Variants in FAM13C observed in about 807,000 individuals in gnomAD.
FAM13C encodes family with sequence similarity 13 member C.
In FAM13C, 37 loss-of-function variants were observed where a neutral mutation model predicts 73.2. That is an observed-to-expected ratio of 0.51 (90% CI 0.39 to 0.67). The LOEUF (loss-of-function observed/expected upper bound fraction) is 0.67. Among genes scored for constraint, FAM13C ranks in the 30% least tolerant of loss-of-function variants. The pLI, the probability that FAM13C is intolerant of heterozygous loss-of-function variation, is 0.00. For missense variants in FAM13C, 589 were observed against 715.6 expected, an observed-to-expected ratio of 0.82 and a Z score of 2.02; for synonymous variants, 246 against 260.9, an observed-to-expected ratio of 0.94 and a Z score of 0.55.
At chr10:59,328,765 C>T (rs1257996805) in intron 3 of FAM13C, among the ~76,000 whole-genome samples, 1 of 152,192 alleles carries the variant, frequency 6.6e-6, no homozygotes, top group African/African-American at 2.4e-5. Flanking sequence ...GGTTCTGTAG[C>T]TTAATCACTC....
At chr10:59,331,342 G>A (rs865851529) in intron 3 of FAM13C, among the ~76,000 whole-genome samples, 48 of 152,288 alleles carry the variant, frequency 3.2e-4, no homozygotes, top group African/African-American at 1.0e-3. Context: ...AGCATGAGGC[G>A]GAGGCAGAAT....
At chr10:59,306,537 C>T (rs1201820382) in intron 4 of FAM13C, among the ~76,000 whole-genome samples, 1 of 152,036 alleles carries the variant, frequency 6.6e-6, no homozygotes, top group Non-Finnish European at 1.5e-5. Context: ...AGTCTTGAAG[C>T]CACTTCAGCA....
intron 2 of FAM13C, among the ~76,000 whole-genome samples, chr10:59,354,031 T>C (rs954727837): frequency 1.3e-5 from 2 of 152,146 alleles, no homozygotes; most frequent in Non-Finnish European, 2.9e-5. Context: ...ATCCACTCCA[T>C]GATCCTGCAT....
Position 59,264,174 on chromosome 10 carries a change from G to C in FAM13C, c.943-8C>G. ...CTTGTCACCATGTGAAGGCTACCAA[G>C]GGAAGGAAAAAATGGGGGTGGAAGG... On this transcript the variant is annotated splice_polypyrimidine_tract_variant and splice_region_variant and intron_variant, in intron 8 of 13. Transcript: ENST00000618804. The C allele has an allele frequency of 6.2e-7, 1 of 1,608,920 alleles. No homozygotes were observed. Among genetic ancestry groups the C allele is most frequent in the Non-Finnish European group, 8.5e-7 (1 of 1,176,716 alleles).
chr10:59,344,393 C>T (rs1023283332), intron 3 of FAM13C, among the ~76,000 whole-genome samples: 2 of 151,456 alleles, frequency 1.3e-5, no homozygotes, highest in African/African-American at 2.4e-5. Context: ...ATTCTCCTGC[C>T]TCGGCCTCCC....
intron 3 of FAM13C, among the ~76,000 whole-genome samples, chr10:59,325,634 T>C (rs1851002435): frequency 6.6e-6 from 1 of 152,160 alleles, no homozygotes; most frequent in Admixed American, 6.6e-5. Context: ...TGTATGACCT[T>C]GGCCAAATTA....
chr10:59,277,564 G>A (rs1844456939), intron 6 of FAM13C, among the ~76,000 whole-genome samples: 1 of 152,154 alleles, frequency 6.6e-6, no homozygotes, highest in Non-Finnish European at 1.5e-5. Context: ...TACATCAAAA[G>A]AGGCACAGGG....
chr10:59,322,645 C>T (rs762009582), intron 4 of FAM13C, among the ~76,000 whole-genome samples: 1 of 152,234 alleles, frequency 6.6e-6, no homozygotes, highest in Non-Finnish European at 1.5e-5. Context: ...ACATTCCATA[C>T]ACAAGCATGA....
At chr10:59,336,372 T>C (rs1182562537) in intron 3 of FAM13C, among the ~76,000 whole-genome samples, 1 of 152,180 alleles carries the variant, frequency 6.6e-6, no homozygotes, top group African/African-American at 2.4e-5. Context: ...AATCTTAGGA[T>C]GGATGAAAAG....
At chr10:59,312,361 C>T (rs958371353) in intron 4 of FAM13C, among the ~76,000 whole-genome samples, 2 of 152,104 alleles carry the variant, frequency 1.3e-5, no homozygotes, top group African/African-American at 4.8e-5. Context: ...TCTTTCTCTC[C>T]CAAAAGGAAA....
intron 10 of FAM13C, among the ~76,000 whole-genome samples, chr10:59,254,912 T>C (rs1359299570): frequency 1.3e-5 from 2 of 152,126 alleles, no homozygotes; most frequent in Non-Finnish European, 2.9e-5. Flanking sequence ...ATTTATAAGA[T>C]ACTGTATGTA....
At chr10:59,287,618 C>T (rs1297386309) in intron 5 of FAM13C, among the ~76,000 whole-genome samples, 2 of 152,160 alleles carry the variant, frequency 1.3e-5, no homozygotes, top group East Asian at 3.9e-4. Context: ...ATGTGTCTGA[C>T]TTTGGCCAAG....
chr10:59,323,940 A>T (rs772230043), intron 4 of FAM13C, 48 bp downstream of exon 4: 2 of 1,502,356 alleles, frequency 1.3e-6, no homozygotes, highest in Middle Eastern at 3.4e-4. Context: ...AGCATTTCTG[A>T]GAAAGGAACC....
At chr10:59,319,072 AAC>A (rs59965630) in intron 4 of FAM13C, among the ~76,000 whole-genome samples, 31,326 of 134,190 alleles carry the variant, frequency 0.23, 3,213 homozygotes, top group Non-Finnish European at 0.23. Context: ...TAGCTATTCA[AAC>A]ACACACACAC....
chr10:59,322,560 T>A (rs1343220223), intron 4 of FAM13C, among the ~76,000 whole-genome samples: 3 of 152,226 alleles, frequency 2.0e-5, no homozygotes, highest in African/African-American at 7.2e-5. Context: ...ATCAAGCATC[T>A]TTGAGAAGGT....
Position 59,246,711 on chromosome 10 carries a change from C to G in FAM13C, c.*903G>C, listed in dbSNP as rs1196723346. On this transcript the variant is annotated 3_prime_UTR_variant, in exon 14 of 14. Coordinates refer to ENST00000618804, the MANE Select transcript of FAM13C (RefSeq NM_198215.4). ...TACAGAAGGATGAATAACTACAGCT[C>G]ATGGGAAATGTTTTGACTTTACAAA... 147 of 397,124 alleles carry G rather than the reference C, an allele frequency of 3.7e-4. No individual in the cohort carries two copies. The highest frequency in any genetic ancestry group is 2.2e-5 in the Non-Finnish European group (5 of 225,186). The allele number at this position is 397,124 out of a possible 1,614,324, so 24.6% of individuals were successfully genotyped here. A position where few individuals can be genotyped will look rare whatever the true frequency, so the allele number is the denominator to read the frequency against.
At position 59,262,490 on chromosome 10, in the gene FAM13C, C is replaced by A; in HGVS notation, c.1180G>T (p.Ala394Ser). The A allele has an allele frequency of 1.2e-6, 2 of 1,613,776 alleles. No homozygotes were observed. The highest frequency in any genetic ancestry group is 1.7e-6 in the Non-Finnish European group (2 of 1,179,776). Residue 394 changes from alanine (A) to serine (S), a missense_variant, in exon 10 of 14, where the codon GCC becomes TCC. Physicochemically the swap from Ala to Ser is moderately conservative, Grantham distance 99 (BLOSUM62 1). Transcript: ENST00000618804. The part of the protein sequence containing the change: ...SSSGEETPDA[A>S]LTCLKERREQ... Reference sequence around the variant, plus strand: ...CTTCTCTCCTTCAGGCATGTCAAGGCAGCATCTGGAGTCTCTTCTCCAGAG... The same window carrying A: ...CTTCTCTCCTTCAGGCATGTCAAGGAAGCATCTGGAGTCTCTTCTCCAGAG...
chr10:59,308,643 CA>C (rs1271057552), intron 4 of FAM13C, among the ~76,000 whole-genome samples: 1 of 152,198 alleles, frequency 6.6e-6, no homozygotes, highest in Non-Finnish European at 1.5e-5. Context: ...CTGCTGCCAC[CA>C]CTGTATAATT....
rs1298092058 is a variant in FAM13C, at chr10:59,312,854, C to T, written c.444-9990G>A. Among the ~76,000 whole-genome samples, 4 of 152,182 alleles carry T rather than the reference C, an allele frequency of 2.6e-5. No individual in the cohort carries two copies. The East Asian group carries it at 5.8e-4, about 22-fold the overall frequency. On this transcript the variant is annotated intron_variant, in intron 4 of 13. Coordinates refer to ENST00000618804, the MANE Select transcript of FAM13C (RefSeq NM_198215.4). The stretch of plus-strand genomic sequence containing the variant: ...ACTCAGTTAAGTTTGGCAAGCCACA[C>T]CAAGCCTTTCTGACCCTTAAAATTG...
Sources: gnomAD v4.1 joint callset for allele counts (sites outside exome capture counted in the v4.1 genomes callset) on GRCh38, gnomAD v4.1.1 for gene constraint, MANE v1.5 for transcripts, NCBI Gene and HGNC (gene_info 2026-07-23, HGNC 2026-07-21) for gene names.